The following KCNH3 variants were observed in gnomAD, a reference collection of about 807,000 sequenced individuals.
The protein encoded by KCNH3 is voltage-gated inwardly rectifying potassium channel KCNH3.
KCNH3 carries 36 observed loss-of-function variants against 95.6 expected under a neutral mutation model. The observed-to-expected ratio is 0.38, with a 90% CI of 0.29 to 0.50. The LOEUF (loss-of-function observed/expected upper bound fraction) is 0.50. Among genes scored for constraint, KCNH3 ranks in the 20% least tolerant of loss-of-function variants. The pLI, the probability that KCNH3 is intolerant of heterozygous loss-of-function variation, is 0.95. For missense variants in KCNH3, 1,030 were observed against 1,484.1 expected (o/e 0.69, Z 5.03); for synonymous variants, 620 against 646.3 (o/e 0.96, Z 0.62).
chr12:49,549,360 G>C (rs1938178641), intron 8 of KCNH3, 81 bp from the exon 9 acceptor site: 1 of 1,541,574 alleles, frequency 6.5e-7, no homozygotes, highest in East Asian at 2.3e-5. Flanking sequence ...AGGAGCGTGC[G>C]GGCCGAGGAC....
chr12:49,542,754 C>G lies in KCNH3; in HGVS notation c.494C>G (p.Ala165Gly). Residue 165 changes from alanine (A) to glycine (G), a missense_variant, in exon 4 of 15, where the codon GCC (alanine) becomes GGC (glycine). Ala to Gly is a moderately conservative substitution (Grantham distance 60). This residue lies in a region of KCNH3 where 92 missense variants were observed against 92.7 expected (regional missense o/e 0.99). Transcript: ENST00000257981. ...CGGGCACGATCCAAAGGCTTCAATGCCAACCGGCGGCGGAGCCGGGCCGTG... is the reference window on the plus strand; with the variant it reads ...CGGGCACGATCCAAAGGCTTCAATGGCAACCGGCGGCGGAGCCGGGCCGTG... ...YGRARSKGFN[A>G]NRRRSRAVLY... The G allele has an allele frequency of 6.3e-7, 1 of 1,590,028 alleles. No individual in the cohort carries two copies. The highest frequency in any genetic ancestry group is 2.3e-5 in the East Asian group (1 of 43,982).
At chr12:49,551,673 TGTGACCG>T (rs1555197426) in intron 10 of KCNH3, among the ~76,000 whole-genome samples, 1 of 149,584 alleles carries the variant, frequency 6.7e-6, no homozygotes. Flanking sequence ...GCGGGGAACA[TGTGACCG>T]GTGTGGGTAG....
chr12:49,552,448 G>A (rs1369104846), intron 10 of KCNH3, among the ~76,000 whole-genome samples: 1 of 152,220 alleles, frequency 6.6e-6, no homozygotes, highest in African/African-American at 2.4e-5. Flanking sequence ...CTACTTCCCT[G>A]TTGACTTGGA....
At position 49,558,114 on chromosome 12, in the gene KCNH3, C is replaced by A; in HGVS notation, c.*161C>A. Reference sequence around the variant, plus strand: ...AAAGGAGGACCTGGCTCCTGACTCTCAGAGAGGATAGGCTGGATCCCTGGG... The same window carrying A: ...AAAGGAGGACCTGGCTCCTGACTCTAAGAGAGGATAGGCTGGATCCCTGGG... On this transcript the variant is annotated 3_prime_UTR_variant, in exon 15 of 15. Coordinates refer to ENST00000257981, the MANE Select transcript of KCNH3 (RefSeq NM_012284.3). 1 of 751,390 alleles carries A rather than the reference C, an allele frequency of 1.3e-6. No individual in the cohort carries two copies. The highest frequency in any genetic ancestry group is 1.9e-6 in the Non-Finnish European group (1 of 524,976). The allele number at this position is 751,390 out of a possible 1,614,324, so 46.5% of individuals were successfully genotyped here.
At position 49,541,721 on chromosome 12, in the gene KCNH3, C is replaced by T. The variant is rs781114497; in HGVS notation, c.402C>T (p.Ser134=). ...TCCTAGTCTCTCACAAGGACATCAG[C>T]GAAACCAAGAACCGAGGGGGCCCCG... ...ALFLVSHKDI[S]ETKNRGGPDR... Residue 134 remains serine, a synonymous_variant, in exon 3 of 15, where the codon AGC becomes AGT. Coordinates refer to ENST00000257981, the MANE Select transcript of KCNH3 (RefSeq NM_012284.3). 3.5e-5 allele frequency: 56 copies of T among 1,614,162 alleles called. No individual in the cohort carries two copies. In the South Asian group the frequency reaches 4.5e-4, roughly 13 times the overall value.
chr12:49,555,568 G>A, intron 11 of KCNH3, 52 bp from the exon 12 acceptor site: 2 of 1,196,520 alleles, frequency 1.7e-6, no homozygotes, highest in Admixed American at 5.1e-5. Context: ...GGAGGTGAGT[G>A]GGACACAATA....
chr12:49,551,595 A>G (rs1033832889), intron 10 of KCNH3, among the ~76,000 whole-genome samples: 13 of 151,318 alleles, frequency 8.6e-5, no homozygotes, highest in African/African-American at 2.7e-4. Flanking sequence ...AAAAAAAAAA[A>G]AAAGAAAAGC....
chr12:49,549,795 C>T (rs1038118233), intron 9 of KCNH3, among the ~76,000 whole-genome samples, 155 bp downstream of exon 9: 5 of 152,220 alleles, frequency 3.3e-5, no homozygotes, highest in African/African-American at 7.2e-5. Context: ...CAGAGGGCAG[C>T]TAAGAAGGCT....
In KCNH3 at chr12:49,542,849, G is replaced by A. The variant is rs376469798; in HGVS notation, c.579+10G>A. ...GCACAAGCTCAATAAGGTGGGCTCA[G>A]CCCTGGGATGTGTGGGAGAGGGGAG... On this transcript the variant is annotated intron_variant, in intron 4 of 14. Transcript: ENST00000257981. The A allele has an allele frequency of 1.9e-6, 3 of 1,604,532 alleles. No homozygotes were observed. In the African/African-American group the frequency reaches 4.0e-5, roughly 21 times the overall value.
At chr12:49,549,396 CG>C (rs779307403) in intron 8 of KCNH3, 44 bp from the exon 9 acceptor site, 1 of 1,595,192 alleles carries the variant, frequency 6.3e-7, no homozygotes, top group South Asian at 1.1e-5. Flanking sequence ...GGTGTCAGGC[CG>C]GGCCAGGTCC....
At chr12:49,543,008 G>T (rs1937927975) in intron 4 of KCNH3, among the ~76,000 whole-genome samples, 169 bp downstream of exon 4, 1 of 152,236 alleles carries the variant, frequency 6.6e-6, no homozygotes, top group African/African-American at 2.4e-5. Flanking sequence ...TCCATCAGAA[G>T]AAAGTCCTGG....
At chr12:49,544,145 T>TACCAAA in intron 6 of KCNH3, 30 bp from the exon 7 acceptor site, 130 of 817,514 alleles carry the variant, frequency 1.6e-4, no homozygotes, top group Non-Finnish European at 2.4e-4. Context: ...CTGACCTCCC[T>TACCAAA]CCCTCCCTCC....
Position 49,550,325 on chromosome 12 carries a change from C to T in KCNH3, c.1914C>T (p.Ile638=), listed in dbSNP as rs1001139804. Residue 638 remains isoleucine, a synonymous_variant, in exon 10 of 15, where the codon ATC becomes ATT. Coordinates refer to ENST00000257981, the MANE Select transcript of KCNH3 (RefSeq NM_012284.3). ...TCAAGGGTGGCACCGTGCTCGCCAT[C>T]CTAGGTTTGTGAGGGTGGGAGAGAG... ...EVLKGGTVLA[I]LGKGDLIGCE... is the part of the protein sequence containing the mutation. 6 of 1,599,334 alleles carry T rather than the reference C, an allele frequency of 3.8e-6. No individual in the cohort carries two copies. Among genetic ancestry groups the T allele is most frequent in the South Asian group, 1.1e-5 (1 of 90,830 alleles).
intron 11 of KCNH3, 68 bp downstream of exon 11, chr12:49,554,622 C>T: frequency 7.2e-7 from 1 of 1,384,150 alleles, no homozygotes. Context: ...TGGGCAGAGG[C>T]TGGGGATGGT....
intron 4 of KCNH3, 44 bp downstream of exon 4, chr12:49,542,883 G>A (rs375590657): frequency 5.5e-4 from 871 of 1,588,536 alleles, no homozygotes; most frequent in Non-Finnish European, 7.2e-4. Context: ...AGGGGCAGAC[G>A]CAGAAGATGG....
At chr12:49,556,756 A>C (rs1267429314) in intron 13 of KCNH3, 1 of 676,428 alleles carries the variant, frequency 1.5e-6, no homozygotes, top group South Asian at 1.5e-5. Context: ...CCTGTCTGTA[A>C]AAAAATGGGT....
chr12:49,554,506 C>T lies in KCNH3; in HGVS notation c.2088C>T (p.Leu696=). The T allele has an allele frequency of 6.2e-7, 1 of 1,613,704 alleles. No homozygotes were observed. The change falls in exon 11 of 15, where the codon CTC becomes CTT. Residue 696 remains leucine, a synonymous_variant. Coordinates refer to ENST00000257981, the MANE Select transcript of KCNH3 (RefSeq NM_012284.3). ...TTGCCCCGCGCTTCAGTCGTGGCCT[C>T]CGAGGGGAGCTCAGCTACAACCTGG... The part of the protein sequence containing the change: ...PEFAPRFSRG[L]RGELSYNLGA...
intron 5 of KCNH3, 25 bp from the exon 6 acceptor site, chr12:49,543,890 T>C (rs1260406989): frequency 1.3e-6 from 2 of 1,593,500 alleles, no homozygotes; most frequent in East Asian, 4.5e-5. Flanking sequence ...GCCCCAGTGC[T>C]GACTCCCACC....
rs1592495498 is a variant in KCNH3 at position 49,539,556 on chromosome 12, C to T, written c.76+64C>T. 3.5e-6 allele frequency: 5 copies of T among 1,426,398 alleles called. No individual in the cohort carries two copies. In the East Asian group the frequency reaches 1.3e-4, roughly 38 times the overall value. The allele number at this position is 1,426,398 out of a possible 1,614,324, so 88.4% of individuals were successfully genotyped here. A position where few individuals can be genotyped will look rare whatever the true frequency, so the allele number is the denominator to read the frequency against. On this transcript the variant is annotated intron_variant, in intron 1 of 14. Transcript: ENST00000257981. The surrounding 1 kb of genome is among the most constrained non-coding windows in gnomAD (Gnocchi z 6.7). ...GACCCTCGCCAGGGCTCCCGCCTTC[C>T]CCGAACCCCCAGCAGCCCAGCTTGG...
Sources: allele counts gnomAD v4.1 joint callset (sites outside exome capture counted in the v4.1 genomes callset), GRCh38; gene constraint gnomAD v4.1.1; regional missense constraint gnomAD v4.1.1; non-coding constraint Gnocchi (gnomAD v3.1); transcripts MANE v1.5; gene names NCBI Gene and HGNC (gene_info 2026-07-23, HGNC 2026-07-21).